Variants in COLGALT2 observed in about 807,000 individuals in gnomAD.
The protein encoded by COLGALT2 is collagen beta(1-O)galactosyltransferase 2.
In COLGALT2, 49 loss-of-function variants were observed where a neutral mutation model predicts 73.4. That is an observed-to-expected ratio of 0.67 (90% CI 0.53 to 0.85). The LOEUF (loss-of-function observed/expected upper bound fraction) is 0.85. COLGALT2 is among the 40% of genes least tolerant of loss of function. COLGALT2 has a pLI of 0.00. For synonymous variants in COLGALT2, 295 were observed against 307.6 expected (o/e 0.96, Z 0.43); for missense variants, 722 against 790.2 (o/e 0.91, Z 1.03).
At chr1:183,970,392 G>A (rs746184457) in intron 4 of COLGALT2, among the ~76,000 whole-genome samples, 1 of 152,192 alleles carries the variant, frequency 6.6e-6, no homozygotes, top group Non-Finnish European at 1.5e-5. Flanking sequence ...CCAGCACTCC[G>A]AAGGGCACCA....
intron 1 of COLGALT2, among the ~76,000 whole-genome samples, chr1:184,003,767 T>C (rs1671992736): frequency 6.6e-6 from 1 of 152,134 alleles, no homozygotes; most frequent in Admixed American, 6.5e-5. Context: ...ACCATGTACA[T>C]ACATTATTAC....
At chr1:184,032,535 G>T (rs1649547941) in intron 1 of COLGALT2, among the ~76,000 whole-genome samples, 1 of 152,148 alleles carries the variant, frequency 6.6e-6, no homozygotes, top group Middle Eastern at 3.2e-3. Context: ...CCCTAAGCTT[G>T]TATATTTCTT....
At chr1:184,009,230 G>A (rs1003514836) in intron 1 of COLGALT2, among the ~76,000 whole-genome samples, 10 of 152,192 alleles carry the variant, frequency 6.6e-5, no homozygotes, top group Non-Finnish European at 1.2e-4. Flanking sequence ...AGAGGCAGTT[G>A]TCAGCATTAA....
chr1:183,948,634 T>C (rs944694598), intron 8 of COLGALT2, among the ~76,000 whole-genome samples: 3 of 152,224 alleles, frequency 2.0e-5, no homozygotes, highest in African/African-American at 7.2e-5. Context: ...AGTGACGGAC[T>C]GAATGCTTTC....
At chr1:183,931,796 TAA>T (rs760880492), downstream of COLGALT2, among the ~76,000 whole-genome samples, 41 of 130,304 alleles carry the variant, frequency 3.1e-4, no homozygotes, top group South Asian at 4.9e-4. Context: ...TGCAGCAAGT[TAA>T]AAAAAAAAAA....
chr1:183,995,156 T>C (rs912198712), intron 1 of COLGALT2, among the ~76,000 whole-genome samples: 1 of 152,134 alleles, frequency 6.6e-6, no homozygotes, highest in African/African-American at 2.4e-5. Flanking sequence ...TCTGAATACA[T>C]AAAATTTCCA....
At chr1:184,021,823 G>A (rs1037811351) in intron 1 of COLGALT2, among the ~76,000 whole-genome samples, 2 of 152,170 alleles carry the variant, frequency 1.3e-5, no homozygotes, top group African/African-American at 4.8e-5. Flanking sequence ...TGTCAAAGTG[G>A]GATTAATGCC....
At chr1:183,973,962 A>T (rs1204367270) in intron 3 of COLGALT2, among the ~76,000 whole-genome samples, 1 of 152,018 alleles carries the variant, frequency 6.6e-6, no homozygotes, top group African/African-American at 2.4e-5. Context: ...GCTCTGCATA[A>T]GGCACTAAGC....
intron 6 of COLGALT2, among the ~76,000 whole-genome samples, chr1:183,961,004 T>G (rs1425598788): frequency 1.3e-5 from 2 of 152,242 alleles, no homozygotes; most frequent in African/African-American, 4.8e-5. Context: ...AGAAGGATAC[T>G]TGACTGATAG....
chr1:183,998,411 CGGTT>C (rs1263228502), intron 1 of COLGALT2, among the ~76,000 whole-genome samples: 3 of 152,006 alleles, frequency 2.0e-5, no homozygotes, highest in Non-Finnish European at 2.9e-5. Flanking sequence ...ATTTCTCTGT[CGGTT>C]GGTTGATTCT....
rs74133048 is a variant in COLGALT2, at chr1:183,940,718, G to T, written c.1467C>A (p.Val489=). 2 of 1,614,180 alleles carry T rather than the reference G, an allele frequency of 1.2e-6. No individual in the cohort carries two copies. The highest frequency in any genetic ancestry group is 1.7e-5 in the Admixed American group (1 of 60,026). Residue 489 remains valine, a synonymous_variant, in exon 11 of 12, where the codon GTC becomes GTA. Coordinates refer to ENST00000361927, the MANE Select transcript of COLGALT2 (RefSeq NM_015101.4). ...GGGTCCAGTAGGAATAGTCGGCTTCGACCAGGTTTGCCACATTGGGCACTG... is the reference window on the plus strand; with the variant it reads ...GGGTCCAGTAGGAATAGTCGGCTTCTACCAGGTTTGCCACATTGGGCACTG... ...EKAVPNVANL[V]EADYSYWTLG...
At position 183,944,193 on chromosome 1, in the gene COLGALT2, C is replaced by A. The variant is rs1670187357; in HGVS notation, c.1397+3G>T. ...CCTCTCGTAAGATCATCTTGTCACT[C>A]ACATCAGTTCCCAGTCCAGCTGAGC... On this transcript the variant is annotated splice_donor_region_variant and intron_variant, in intron 10 of 11. Coordinates refer to ENST00000361927, the MANE Select transcript of COLGALT2 (RefSeq NM_015101.4). 2 of 1,607,778 alleles carry A rather than the reference C, an allele frequency of 1.2e-6. No homozygotes were observed. Among genetic ancestry groups the A allele is most frequent in the Admixed American group, 3.4e-5 (2 of 58,712 alleles).
rs776403169 is a variant in COLGALT2 at position 183,954,824 on chromosome 1, T to C, written c.967A>G (p.Met323Val). Residue 323 changes from methionine (M) to valine (V), a missense_variant, in exon 7 of 12, where the codon ATG (methionine) becomes GTG (valine). Met to Val is a conservative substitution (Grantham distance 21). Transcript: ENST00000361927. ...ACTGAGACATACTGGGAGGGTTCCA[T>C]TGGAGGACGGTCAACTGGAAGACAC... is the stretch of plus-strand genomic sequence containing the variant. ...QIEAMIDRPP[M>V]EPSQYVSVVP... The C allele has an allele frequency of 2.5e-6, 4 of 1,613,164 alleles. No homozygotes were observed. The highest frequency in any genetic ancestry group is 1.1e-5 in the South Asian group (1 of 91,076).
downstream of COLGALT2, among the ~76,000 whole-genome samples, chr1:183,931,556 C>T (rs1453980165): frequency 6.6e-6 from 1 of 152,242 alleles, no homozygotes; most frequent in East Asian, 1.9e-4. Flanking sequence ...CATCAACTGA[C>T]AGGAGTTAAC....
intron 1 of COLGALT2, among the ~76,000 whole-genome samples, chr1:184,032,572 C>A (rs184018254): frequency 4.2e-4 from 64 of 152,244 alleles, no homozygotes; most frequent in Non-Finnish European, 6.9e-4. Flanking sequence ...ATGCCCTCCA[C>A]GCTAAACTAC....
intron 5 of COLGALT2, among the ~76,000 whole-genome samples, chr1:183,966,945 G>A (rs187525870): frequency 1.3e-5 from 2 of 152,180 alleles, no homozygotes; most frequent in African/African-American, 4.8e-5. Flanking sequence ...GTGGTTGGAT[G>A]GTCCTGCCTG....
intron 1 of COLGALT2, among the ~76,000 whole-genome samples, chr1:184,035,956 ACT>A: frequency 6.6e-6 from 1 of 152,272 alleles, no homozygotes; most frequent in East Asian, 1.9e-4. Context: ...CCCACCAGGT[ACT>A]CTGAGGCTGC....
chr1:183,965,113 G>T (rs925279673), intron 5 of COLGALT2, among the ~76,000 whole-genome samples: 3 of 152,164 alleles, frequency 2.0e-5, no homozygotes, highest in South Asian at 4.1e-4. Context: ...TTGAATCAAG[G>T]CTGGTCTACC....
intron 1 of COLGALT2, among the ~76,000 whole-genome samples, chr1:184,019,394 C>T (rs559206503): frequency 1.1e-4 from 16 of 152,268 alleles, no homozygotes; most frequent in Non-Finnish European, 1.6e-4. Context: ...TATTGATTTA[C>T]GGGGTTTCTC....
Sources: gnomAD v4.1 joint callset for allele counts (sites outside exome capture counted in the v4.1 genomes callset) on GRCh38, gnomAD v4.1.1 for gene constraint, MANE v1.5 for transcripts, NCBI Gene and HGNC (gene_info 2026-07-23, HGNC 2026-07-21) for gene names.